LRRC7: variants seen among roughly 807,000 people sequenced by gnomAD.
LRRC7 encodes leucine-rich repeat-containing protein 7.
Under a neutral mutation model 175.7 loss-of-function variants are expected in LRRC7, and 23 were observed. That is an observed-to-expected ratio of 0.13 (90% confidence interval 0.09 to 0.19). The LOEUF (loss-of-function observed/expected upper bound fraction) is 0.19, where lower values mean the gene tolerates loss of function less well. Ranked by LOEUF, LRRC7 falls within the 10% of genes least tolerant of loss-of-function variation. The pLI, the probability that LRRC7 is intolerant of heterozygous loss-of-function variation, is 1.00. For missense variants in LRRC7, 1,354 were observed against 1,904.7 expected (o/e 0.71, Z 5.38); for synonymous variants, 685 against 680.9 (o/e 1.01, Z -0.09).
intron 2 of LRRC7, among the ~76,000 whole-genome samples, chr1:69,740,145 G>A (rs1668550428): frequency 6.6e-6 from 1 of 152,066 alleles, no homozygotes; most frequent in African/African-American, 2.4e-5. Context: ...GGCTGGATAA[G>A]TCTTCCAAGG....
chr1:70,118,168 C>A (rs1428573342), intron 26 of LRRC7, among the ~76,000 whole-genome samples: 1 of 151,954 alleles, frequency 6.6e-6, no homozygotes, highest in Non-Finnish European at 1.5e-5. Context: ...ACTGGAGAAG[C>A]CCTACACGAA....
At chr1:69,967,883 C>A (rs1326559133) in intron 8 of LRRC7, among the ~76,000 whole-genome samples, 1 of 152,048 alleles carries the variant, frequency 6.6e-6, no homozygotes, top group Non-Finnish European at 1.5e-5. Flanking sequence ...GGTAATATGG[C>A]AAAACAAGGT....
chr1:69,699,633 G>T (rs548409340), intron 2 of LRRC7, among the ~76,000 whole-genome samples: 1 of 152,306 alleles, frequency 6.6e-6, no homozygotes, highest in East Asian at 1.9e-4. Flanking sequence ...TCCTTCAGTA[G>T]CATCTAGAAA....
chr1:69,876,879 A>T (rs1686090975), intron 7 of LRRC7, among the ~76,000 whole-genome samples: 1 of 152,172 alleles, frequency 6.6e-6, no homozygotes, highest in African/African-American at 2.4e-5. Context: ...CATTATATTC[A>T]GTACAGCATA....
chr1:69,612,073 A>G (rs1259141854), intron 1 of LRRC7, among the ~76,000 whole-genome samples: 1 of 152,032 alleles, frequency 6.6e-6, no homozygotes, highest in Non-Finnish European at 1.5e-5. Flanking sequence ...TTGCTTTTCT[A>G]TGCCACCCAC....
At position 70,017,622 on chromosome 1, in the gene LRRC7, C is replaced by T. The variant is rs150549886; in HGVS notation, c.1320+1088C>T. On this transcript the variant is annotated intron_variant, in intron 14 of 26. Transcript: ENST00000651989. ...GAGCATAAAAGTAGCATTACTGGTA[C>T]GTGAATTGTTCATATTTACAGTCAT... Among the ~76,000 whole-genome samples, 188 of 152,140 alleles carry T rather than the reference C, an allele frequency of 1.2e-3. 2 individuals carry two copies. The highest frequency in any genetic ancestry group is 3.4e-3 in the Middle Eastern group (1 of 294).
rs1666921706 is a variant in LRRC7, at chr1:70,137,616, C to T, written c.*15729C>T. Among the ~76,000 whole-genome samples, 1 of 152,188 alleles carries T rather than the reference C, an allele frequency of 6.6e-6. No individual in the cohort carries two copies. The highest frequency in any genetic ancestry group is 2.1e-4 in the South Asian group (1 of 4,836). The stretch of plus-strand genomic sequence containing the variant: ...CACCAGAGTTCAGTAAGAAATGCAA[C>T]TTGAACAGCCCCTGAGATAAAATTT... On this transcript the variant is annotated 3_prime_UTR_variant, in exon 27 of 27. Coordinates refer to ENST00000651989, the MANE Select transcript of LRRC7 (RefSeq NM_001370785.2).
rs577979381 is a variant in LRRC7 at position 70,121,685 on chromosome 1, TG to T, written c.4621-94del. The T allele has an allele frequency of 2.3e-3, 1,708 of 756,348 alleles. 9 individuals carry two copies. The highest frequency in any genetic ancestry group is 3.3e-3 in the Non-Finnish European group (1,528 of 462,330). 46.9% of individuals were successfully genotyped at this position (756,348 alleles called of 1,614,324 possible). A position where few individuals can be genotyped will look rare whatever the true frequency, so the allele number is the denominator to read the frequency against. On this transcript the variant is annotated intron_variant, in intron 26 of 26. Coordinates refer to ENST00000651989, the MANE Select transcript of LRRC7 (RefSeq NM_001370785.2). Reference sequence around the variant, plus strand: ...TGAATTATAAAAACTGACAACTTTTTGTTGCTCAGTGCTCCCGTGAATTTTA... The same window carrying T: ...TGAATTATAAAAACTGACAACTTTTTTTGCTCAGTGCTCCCGTGAATTTTA...
At chr1:70,031,060 A>T (rs1292582942) in intron 18 of LRRC7, 1 of 152,184 alleles carries the variant, frequency 6.6e-6, no homozygotes, top group African/African-American at 2.4e-5. Flanking sequence ...GATCACTCTG[A>T]TCAGTTGGAC....
intron 26 of LRRC7, among the ~76,000 whole-genome samples, chr1:70,112,866 A>G (rs1264957824): frequency 6.6e-6 from 1 of 152,110 alleles, no homozygotes; most frequent in Non-Finnish European, 1.5e-5. Context: ...CAGGGGTAAG[A>G]GGTTTATGCT....
chr1:69,870,571 AT>A (rs1047071422), intron 7 of LRRC7, among the ~76,000 whole-genome samples: 9 of 152,244 alleles, frequency 5.9e-5, no homozygotes, highest in South Asian at 4.1e-4. Flanking sequence ...TATGAAAAAA[AT>A]ATCTCACCAT....
At position 70,021,056 on chromosome 1, in the gene LRRC7, GACA is replaced by G; in HGVS notation, c.1478_1480del (p.Gln493del). On this transcript the variant is annotated inframe_deletion, in exon 16 of 27. Coordinates refer to ENST00000651989, the MANE Select transcript of LRRC7 (RefSeq NM_001370785.2). ...AACCCTACACTGTGGGAAGAGCAGA[GACA>G]ACAACGCATGACTGTTGCCTTTGAA... The G allele has an allele frequency of 6.2e-7, 1 of 1,612,898 alleles. No homozygotes were observed. Among genetic ancestry groups the G allele is most frequent in the Non-Finnish European group, 8.5e-7 (1 of 1,179,128 alleles).
chr1:69,909,637 T>G (rs1285483990), intron 7 of LRRC7, among the ~76,000 whole-genome samples: 1 of 152,308 alleles, frequency 6.6e-6, no homozygotes, highest in African/African-American at 2.4e-5. Context: ...TGCTGAGAGA[T>G]CCGCTGTTAG....
chr1:69,820,956 G>C (rs1199876751), intron 4 of LRRC7, among the ~76,000 whole-genome samples: 1 of 152,142 alleles, frequency 6.6e-6, no homozygotes, highest in Non-Finnish European at 1.5e-5. Context: ...CACAATGGGT[G>C]AACTAATTTA....
intron 23 of LRRC7, among the ~76,000 whole-genome samples, chr1:70,063,321 A>G (rs912601190): frequency 1.3e-5 from 2 of 152,138 alleles, no homozygotes; most frequent in Non-Finnish European, 2.9e-5. Context: ...AGATAACTCA[A>G]TAGCATTTAT....
At chr1:69,935,063 A>G (rs1647855835) in intron 8 of LRRC7, among the ~76,000 whole-genome samples, 1 of 152,198 alleles carries the variant, frequency 6.6e-6, no homozygotes, top group African/African-American at 2.4e-5. Flanking sequence ...GAAGTAGTCT[A>G]TATGTGGTTT....
intron 26 of LRRC7, among the ~76,000 whole-genome samples, chr1:70,117,183 G>A (rs1665917287): frequency 6.6e-6 from 1 of 152,158 alleles, no homozygotes; most frequent in Non-Finnish European, 1.5e-5. Flanking sequence ...AAAATGAACT[G>A]TGCTGTCCTC....
intron 1 of LRRC7, among the ~76,000 whole-genome samples, chr1:69,622,346 T>C (rs752200294): frequency 6.6e-6 from 1 of 152,330 alleles, no homozygotes; most frequent in South Asian, 2.1e-4. Flanking sequence ...CTTTGTCTAC[T>C]TATGGCTTTT....
chr1:69,783,310 A>C (rs1673987282), intron 3 of LRRC7, among the ~76,000 whole-genome samples: 1 of 152,228 alleles, frequency 6.6e-6, no homozygotes, highest in Non-Finnish European at 1.5e-5. Context: ...AAGTCATAGA[A>C]TTCTGGTGAC....
Sources: allele counts gnomAD v4.1 joint callset (sites outside exome capture counted in the v4.1 genomes callset), GRCh38; gene constraint gnomAD v4.1.1; transcripts MANE v1.5; gene names NCBI Gene and HGNC (gene_info 2026-07-23, HGNC 2026-07-21).